GRM5: variants seen among roughly 807,000 people sequenced by gnomAD.
GRM5 encodes the protein metabotropic glutamate receptor 5.
GRM5 carries 19 observed loss-of-function variants against 83.1 expected under a neutral mutation model. That is an observed-to-expected ratio of 0.23 (90% CI 0.16 to 0.34). The LOEUF (loss-of-function observed/expected upper bound fraction) is 0.34. Ranked by LOEUF, GRM5 falls within the 10% of genes least tolerant of loss-of-function variation. GRM5 has a pLI of 1.00. For synonymous variants in GRM5, 675 were observed against 633.6 expected, an observed-to-expected ratio of 1.07 and a Z score of -0.98; for missense variants, 1,160 against 1,588.3, an observed-to-expected ratio of 0.73 and a Z score of 4.58.
At chr11:88,618,662 G>A (rs529137589) in intron 4 of GRM5, among the ~76,000 whole-genome samples, 1 of 152,020 alleles carries the variant, frequency 6.6e-6, no homozygotes, top group South Asian at 2.1e-4. Context: ...AAGCTTGTGG[G>A]GACCAAAGGA....
chr11:88,920,089 C>T (rs1945662448), intron 2 of GRM5, among the ~76,000 whole-genome samples: 1 of 151,646 alleles, frequency 6.6e-6, no homozygotes, highest in Admixed American at 6.6e-5. Context: ...GGGGAAAATA[C>T]AAAACATCAA....
At chr11:88,608,789 G>A (rs1938239846) in intron 4 of GRM5, among the ~76,000 whole-genome samples, 1 of 152,018 alleles carries the variant, frequency 6.6e-6, no homozygotes. Flanking sequence ...CCAAAGTGCT[G>A]GGATTACAGG....
At chr11:88,593,247 C>A (rs79812431) in intron 6 of GRM5, among the ~76,000 whole-genome samples, 1 of 152,018 alleles carries the variant, frequency 6.6e-6, no homozygotes, top group Non-Finnish European at 1.5e-5. Flanking sequence ...TGAATGAAAT[C>A]GCTGTTAAAC....
At chr11:88,965,201 A>G (rs2075410063) in intron 2 of GRM5, among the ~76,000 whole-genome samples, 2 of 152,192 alleles carry the variant, frequency 1.3e-5, no homozygotes, top group African/African-American at 4.8e-5. Context: ...AGGGTGGCTT[A>G]TAAACTTTAG....
Position 88,567,041 on chromosome 11 carries a change from C to G in GRM5, c.2630+12G>C, listed in dbSNP as rs113463195. 1.1e-4 allele frequency: 171 copies of G among 1,559,850 alleles called. 1 individual carries two copies. In the African/African-American group the frequency reaches 1.8e-3, roughly 17 times the overall value. ...AGGGGCCAGCATCCCTGTAAGCCCC[C>G]ACAACTTTTACCTTAAGGTTTCCCC... On this transcript the variant is annotated intron_variant, in intron 8 of 9. Transcript: ENST00000305447. This position sits in a 1 kb window ranked among gnomAD's most constrained non-coding sequence, Gnocchi z 7.3.
intron 3 of GRM5, among the ~76,000 whole-genome samples, chr11:88,803,997 C>T (rs1943450901): frequency 6.6e-6 from 1 of 150,748 alleles, no homozygotes; most frequent in Admixed American, 6.6e-5. Flanking sequence ...TACCATCTCA[C>T]ACCAGTTAGA....
At chr11:88,991,599 C>T (rs1271612521) in intron 2 of GRM5, among the ~76,000 whole-genome samples, 2 of 149,640 alleles carry the variant, frequency 1.3e-5, no homozygotes, top group South Asian at 2.2e-4. Flanking sequence ...ATCACACTAC[C>T]TGACTTCAAA....
intron 8 of GRM5, among the ~76,000 whole-genome samples, chr11:88,558,799 C>CAAAAAAAAAAAAAAAAAAAAAAAAAA (rs71265014): frequency 9.1e-5 from 2 of 21,908 alleles, no homozygotes; most frequent in Admixed American, 6.8e-4. Flanking sequence ...GACTCCATCT[C>CAAAAAAAAAAAAAAAAAAAAAAAAAA]AAAAAAAAAA....
intron 3 of GRM5, among the ~76,000 whole-genome samples, chr11:88,831,717 G>A (rs1297232862): frequency 1.3e-5 from 2 of 152,070 alleles, no homozygotes; most frequent in Non-Finnish European, 2.9e-5. Context: ...ACCAACTGTG[G>A]GCCAGCGATT....
intron 4 of GRM5, among the ~76,000 whole-genome samples, chr11:88,637,916 C>G (rs1354410108): frequency 4.0e-5 from 6 of 150,968 alleles, no homozygotes; most frequent in Admixed American, 6.6e-5. Flanking sequence ...AAATGTCCAA[C>G]AATGATAGAC....
intron 2 of GRM5, among the ~76,000 whole-genome samples, chr11:88,865,109 C>A (rs965120908): frequency 7.2e-5 from 11 of 151,966 alleles, no homozygotes; most frequent in Non-Finnish European, 1.3e-4. Context: ...AGAATCAATA[C>A]TGTGAAAATG....
At chr11:88,754,398 C>G (rs946323439) in intron 3 of GRM5, among the ~76,000 whole-genome samples, 8 of 152,030 alleles carry the variant, frequency 5.3e-5, no homozygotes, top group Non-Finnish European at 1.0e-4. Flanking sequence ...TATAACGAAC[C>G]TGCCCATCCT....
intron 2 of GRM5, among the ~76,000 whole-genome samples, chr11:88,999,094 G>A (rs545990225): frequency 1.8e-3 from 274 of 152,088 alleles, no homozygotes; most frequent in African/African-American, 5.9e-3. Flanking sequence ...AATTCAAGAC[G>A]GATTAAAGAC....
intron 3 of GRM5, among the ~76,000 whole-genome samples, chr11:88,714,006 ATTAAC>A (rs1268696834): frequency 4.6e-5 from 7 of 152,050 alleles, no homozygotes; most frequent in African/African-American, 1.7e-4. Flanking sequence ...ATGGGCTATA[ATTAAC>A]TTATCAAGAA....
rs904440484 is a variant in GRM5 at position 89,024,527 on chromosome 11, G to A, written c.661+22685C>T. On this transcript the variant is annotated intron_variant, in intron 2 of 9. Transcript: ENST00000305447. The stretch of plus-strand genomic sequence containing the variant: ...TCAAATAATGTAAGTTTTCAATTGA[G>A]GTAGAGTTTATTAAACATAAAATAC... Among the ~76,000 whole-genome samples the A allele has an allele frequency of 4.6e-5, 7 of 152,074 alleles. 1 individual carries two copies. Among genetic ancestry groups the A allele is most frequent in the Non-Finnish European group, 1.0e-4 (7 of 68,000 alleles).
At chr11:88,791,179 C>T (rs1021228885) in intron 3 of GRM5, among the ~76,000 whole-genome samples, 1 of 152,132 alleles carries the variant, frequency 6.6e-6, no homozygotes, top group South Asian at 2.1e-4. Context: ...TATATCTACT[C>T]TCATTGTTTT....
intron 3 of GRM5, among the ~76,000 whole-genome samples, chr11:88,757,895 G>A (rs1942430225): frequency 6.6e-6 from 1 of 152,112 alleles, no homozygotes; most frequent in African/African-American, 2.4e-5. Flanking sequence ...CCCACCGATT[G>A]TAGTTGGTTT....
intron 2 of GRM5, among the ~76,000 whole-genome samples, chr11:88,985,498 G>A (rs1452835057): frequency 6.6e-6 from 1 of 152,068 alleles, no homozygotes; most frequent in Non-Finnish European, 1.5e-5. Context: ...CTGATCTCAT[G>A]AAAACTCATG....
At chr11:88,568,034 T>C (rs1942909050) in intron 7 of GRM5, 42 bp from the exon 8 acceptor site, 1 of 1,328,286 alleles carries the variant, frequency 7.5e-7, no homozygotes, top group Non-Finnish European at 1.1e-6. Context: ...GGGAGAGATG[T>C]TGACTTGGGT....
Sources: gnomAD v4.1 joint callset for allele counts (sites outside exome capture counted in the v4.1 genomes callset) on GRCh38, gnomAD v4.1.1 for gene constraint, Gnocchi (gnomAD v3.1) non-coding constraint, MANE v1.5 for transcripts, NCBI Gene and HGNC (gene_info 2026-07-23, HGNC 2026-07-21) for gene names.